Variants in BCR observed in about 807,000 individuals in gnomAD.
BCR encodes BCR activator of RhoGEF and GTPase.
BCR carries 58 observed loss-of-function variants against 138.6 expected under a neutral mutation model. The ratio of observed to expected loss-of-function variants is 0.42; its 90% CI spans 0.34 to 0.52. The LOEUF is 0.52. Ranked by LOEUF, BCR falls within the 20% of genes least tolerant of loss-of-function variation. The pLI, the probability that BCR is intolerant of heterozygous loss-of-function variation, is 0.06. For synonymous variants in BCR, 786 were observed against 730.1 expected (o/e 1.08, Z -1.23); for missense variants, 1,599 against 1,727.2 (o/e 0.93, Z 1.32).
At chr22:23,284,289 C>A (rs1453083786) in intron 9 of BCR, among the ~76,000 whole-genome samples, 191 bp downstream of exon 9, 2 of 151,986 alleles carry the variant, frequency 1.3e-5, no homozygotes, top group East Asian at 3.9e-4. Flanking sequence ...ATCAGGGTGA[C>A]CAGCTTTGAC....
intron 8 of BCR, among the ~76,000 whole-genome samples, chr22:23,277,133 T>G (rs2073587534): frequency 2.0e-5 from 3 of 152,256 alleles, no homozygotes; most frequent in Admixed American, 2.0e-4. Context: ...GCCTGAACTT[T>G]TCTCAGTTCT....
At chr22:23,280,814 C>CA (rs2073635246) in intron 8 of BCR, among the ~76,000 whole-genome samples, 1 of 152,222 alleles carries the variant, frequency 6.6e-6, no homozygotes, top group South Asian at 2.1e-4. Context: ...GGGGGCTCCC[C>CA]AAAGGGAGTG....
rs138862169 is a variant in BCR, at chr22:23,208,618, C to A, written c.1279+26379C>A. On this transcript the variant is annotated intron_variant, in intron 1 of 22. Transcript: ENST00000305877. Reference sequence around the variant, plus strand: ...CTATAATCCCAGCACTTTGGGAGTTCGAGGCGGGCAGACCACCTGAAGTCA... The same window carrying A: ...CTATAATCCCAGCACTTTGGGAGTTAGAGGCGGGCAGACCACCTGAAGTCA... Among the ~76,000 whole-genome samples, 546 of 152,132 alleles carry A rather than the reference C, an allele frequency of 3.6e-3. 10 individuals are homozygous for A. The highest frequency in any genetic ancestry group is 0.012 in the African/African-American group (513 of 41,506).
intron 8 of BCR, among the ~76,000 whole-genome samples, chr22:23,279,170 C>T (rs2073612975): frequency 6.6e-6 from 1 of 152,220 alleles, no homozygotes; most frequent in Admixed American, 6.5e-5. Flanking sequence ...TACCAGCCAC[C>T]CTGACTGTGG....
chr22:23,233,803 AG>A (rs67955303), intron 1 of BCR, among the ~76,000 whole-genome samples: 4,327 of 101,050 alleles, frequency 0.043, 93 homozygotes, highest in Non-Finnish European at 0.06. Context: ...AAAAAAAAAA[AG>A]AAAAAAAAGA....
intron 3 of BCR, 140 bp downstream of exon 3, chr22:23,261,194 A>T: frequency 8.3e-7 from 1 of 1,209,720 alleles, no homozygotes; most frequent in Non-Finnish European, 1.2e-6. Flanking sequence ...CCAGTGGAAG[A>T]CTGAGTTGCC....
chr22:23,210,422 G>GA (rs1050301471), intron 1 of BCR, among the ~76,000 whole-genome samples: 1,911 of 101,568 alleles, frequency 0.019, 19 homozygotes, highest in African/African-American at 0.032. Flanking sequence ...GTCTCAAAAA[G>GA]AAAAAAAAAA....
intron 1 of BCR, among the ~76,000 whole-genome samples, chr22:23,240,996 C>T (rs757188357): frequency 2.0e-5 from 3 of 152,210 alleles, no homozygotes; most frequent in African/African-American, 7.2e-5. Context: ...TCTCAGTCAG[C>T]GTGTGTCAGA....
chr22:23,223,845 A>G (rs1462000728), intron 1 of BCR, among the ~76,000 whole-genome samples: 1 of 152,122 alleles, frequency 6.6e-6, no homozygotes, highest in Non-Finnish European at 1.5e-5. Flanking sequence ...TAATGGGAAC[A>G]CTTTGCTGAC....
intron 2 of BCR, among the ~76,000 whole-genome samples, chr22:23,259,113 G>T (rs1261983813): frequency 6.6e-6 from 1 of 152,286 alleles, no homozygotes; most frequent in Non-Finnish European, 1.5e-5. Flanking sequence ...AGGAAGTCAG[G>T]TGGCGATTTC....
intron 16 of BCR, among the ~76,000 whole-genome samples, chr22:23,296,635 A>G (rs1480100999): frequency 2.0e-5 from 3 of 152,158 alleles, no homozygotes; most frequent in Non-Finnish European, 4.4e-5. Flanking sequence ...GGGGCTCCCT[A>G]TACTTTGAGA....
At chr22:23,270,389 G>A (rs758685901) in intron 5 of BCR, among the ~76,000 whole-genome samples, 1 of 152,198 alleles carries the variant, frequency 6.6e-6, no homozygotes, top group Non-Finnish European at 1.5e-5. Context: ...GTTTTCTTGA[G>A]GCAGGTTTTC....
chr22:23,189,427 G>T (rs2072386987), intron 1 of BCR, among the ~76,000 whole-genome samples: 1 of 152,124 alleles, frequency 6.6e-6, no homozygotes, highest in African/African-American at 2.4e-5. Flanking sequence ...TATTTGTCCT[G>T]TGTCTGGCTG....
chr22:23,254,121 T>C, intron 2 of BCR, 141 bp downstream of exon 2: 1 of 931,702 alleles, frequency 1.1e-6, no homozygotes, highest in Non-Finnish European at 1.6e-6. Context: ...AACTCCTTCC[T>C]CATCTCTACA....
chr22:23,253,196 T>C (rs887286989), intron 1 of BCR, among the ~76,000 whole-genome samples: 2 of 152,150 alleles, frequency 1.3e-5, no homozygotes, highest in African/African-American at 4.8e-5. Flanking sequence ...TTCCATGCCC[T>C]CTCGGGGCAC....
chr22:23,211,477 C>T (rs1429788877), intron 1 of BCR, among the ~76,000 whole-genome samples: 1 of 150,078 alleles, frequency 6.7e-6, no homozygotes, highest in Non-Finnish European at 1.5e-5. Flanking sequence ...GGATTACAGA[C>T]GTGACCACTG....
chr22:23,312,029 A>T (rs1568987073), intron 19 of BCR, 193 bp downstream of exon 19: 1 of 1,121,864 alleles, frequency 8.9e-7, no homozygotes, highest in Non-Finnish European at 1.2e-6. Flanking sequence ...TTTTTAAACC[A>T]TCCTAGCCAT....
chr22:23,247,585 G>C (rs2146261614), intron 1 of BCR, among the ~76,000 whole-genome samples: 1 of 152,270 alleles, frequency 6.6e-6, no homozygotes, highest in Non-Finnish European at 1.5e-5. Flanking sequence ...GTCAGGGGCT[G>C]GGTTCCTGGA....
At chr22:23,300,912 C>CACA (rs2073895907) in intron 16 of BCR, among the ~76,000 whole-genome samples, 1 of 152,208 alleles carries the variant, frequency 6.6e-6, no homozygotes, top group African/African-American at 2.4e-5. Flanking sequence ...CCCAGCAAGA[C>CACA]ACATAAATAG....
Sources: gnomAD v4.1 joint callset for allele counts (sites outside exome capture counted in the v4.1 genomes callset) on GRCh38, gnomAD v4.1.1 for gene constraint, MANE v1.5 for transcripts, NCBI Gene and HGNC (gene_info 2026-07-23, HGNC 2026-07-21) for gene names.